Variants in SGPP1 observed in about 807,000 individuals in gnomAD.
SGPP1 encodes the protein hSPP1.
Under a neutral mutation model 33.0 loss-of-function variants are expected in SGPP1, and 21 were observed. The ratio of observed to expected loss-of-function variants is 0.64; its 90% CI spans 0.45 to 0.92. The LOEUF is 0.92. SGPP1 is among the 40% of genes least tolerant of loss of function. SGPP1 has a pLI of 0.00. For missense variants in SGPP1, 543 were observed against 589.4 expected (o/e 0.92, Z 0.81); for synonymous variants, 239 against 241.2 (o/e 0.99, Z 0.08).
intron 1 of SGPP1, among the ~76,000 whole-genome samples, chr14:63,726,278 T>C (rs775904178): frequency 6.6e-6 from 1 of 152,182 alleles, no homozygotes; most frequent in Non-Finnish European, 1.5e-5. Flanking sequence ...TTTGTTTCCT[T>C]AGAATCTCCA....
chr14:63,722,972 A>C (rs774021373), intron 1 of SGPP1, among the ~76,000 whole-genome samples: 567 of 134,180 alleles, frequency 4.2e-3, no homozygotes, highest in Middle Eastern at 0.015. Context: ...ACCCTGTCTC[A>C]AAAAAAAAAA....
At chr14:63,702,785 C>T (rs1885326825) in intron 1 of SGPP1, among the ~76,000 whole-genome samples, 1 of 152,044 alleles carries the variant, frequency 6.6e-6, no homozygotes. Context: ...CATATTTACT[C>T]CCCATTGAAT....
At chr14:63,703,856 C>T (rs1477133381) in intron 1 of SGPP1, among the ~76,000 whole-genome samples, 1 of 110,576 alleles carries the variant, frequency 9.0e-6, no homozygotes, top group Non-Finnish European at 1.7e-5. Flanking sequence ...CTCGCTTTAT[C>T]ACCCAGGCTG....
chr14:63,697,414 C>T lies in SGPP1; in HGVS notation c.774+1155G>A, dbSNP rs146444703. On this transcript the variant is annotated intron_variant, in intron 2 of 2. Coordinates refer to ENST00000247225, the MANE Select transcript of SGPP1 (RefSeq NM_030791.4). Reference sequence around the variant, plus strand: ...TAACATGTTAAGGACAAGAAAAAAACTGACATGACCCATTAGAAACTAGAA... The same window carrying T: ...TAACATGTTAAGGACAAGAAAAAAATTGACATGACCCATTAGAAACTAGAA... Among the ~76,000 whole-genome samples, 896 of 152,172 alleles carry T rather than the reference C, an allele frequency of 5.9e-3. 6 individuals are homozygous for T. The highest frequency in any genetic ancestry group is 0.02 in the African/African-American group (851 of 41,528).
chr14:63,727,265 C>T lies in SGPP1; in HGVS notation c.680G>A (p.Trp227Ter), dbSNP rs1277284418. Residue 227 changes from tryptophan (W) to a stop codon, truncating the protein, a stop_gained, in exon 1 of 3, where the codon TGG becomes TAG. Coordinates refer to ENST00000247225, the MANE Select transcript of SGPP1 (RefSeq NM_030791.4). LOFTEE classifies it high-confidence loss of function. ...ISMVLLTYGRWQYPLIYGLIL... is the reference protein window; with the variant it reads ...ISMVLLTYGR Reference sequence around the variant, plus strand: ...CAGGACGAGAAGGAACCCTACCTGCCAGCGGCCATAGGTGAGGAGGACCAT... The same window carrying T: ...CAGGACGAGAAGGAACCCTACCTGCTAGCGGCCATAGGTGAGGAGGACCAT... The T allele has an allele frequency of 6.2e-7, 1 of 1,607,458 alleles. No individual in the cohort carries two copies. Among genetic ancestry groups the T allele is most frequent in the Non-Finnish European group, 8.5e-7 (1 of 1,175,698 alleles).
At position 63,708,421 on chromosome 14, in the gene SGPP1, A is replaced by ATT. The variant is rs1259120518; in HGVS notation, c.685-9765_685-9764dup. 6.5e-4 allele frequency among the ~76,000 whole-genome samples: 88 copies of ATT among 135,124 alleles called. 1 individual carries two copies. Among genetic ancestry groups the ATT allele is most frequent in the African/African-American group, 2.3e-3 (84 of 36,922 alleles). The allele number at this position is 135,124 out of a possible 152,430, so 88.6% of individuals were successfully genotyped here. A position where few individuals can be genotyped will look rare whatever the true frequency, so the allele number is the denominator to read the frequency against. On this transcript the variant is annotated intron_variant, in intron 1 of 2. Transcript: ENST00000247225. Reference sequence around the variant, plus strand: ...CAGGTGCCCACCACCATGCCCAGCTATTTTTTTTTTTTTTGTATTTTTAGT... The same window carrying ATT: ...CAGGTGCCCACCACCATGCCCAGCTATTTTTTTTTTTTTTTTGTATTTTTAGT...
chr14:63,716,653 T>C (rs905780994), intron 1 of SGPP1, among the ~76,000 whole-genome samples: 2 of 151,680 alleles, frequency 1.3e-5, no homozygotes, highest in East Asian at 1.9e-4. Context: ...GATCTCACAA[T>C]TGCACCCCAG....
chr14:63,721,471 A>T (rs1885770199), intron 1 of SGPP1, among the ~76,000 whole-genome samples: 1 of 152,184 alleles, frequency 6.6e-6, no homozygotes, highest in African/African-American at 2.4e-5. Flanking sequence ...AATTAGTAAT[A>T]AGGACTTATA....
At chr14:63,727,010 T>G (rs8023063) in intron 1 of SGPP1, among the ~76,000 whole-genome samples, 2,771 of 152,268 alleles carry the variant, frequency 0.018, 83 homozygotes, top group African/African-American at 0.063. Context: ...CTAGGAAAAG[T>G]GTGTCCTTTG....
At chr14:63,718,430 T>TAGTA (rs891168570) in intron 1 of SGPP1, among the ~76,000 whole-genome samples, 11 of 151,834 alleles carry the variant, frequency 7.2e-5, no homozygotes, top group African/African-American at 2.7e-4. Flanking sequence ...GTAGAAAAAA[T>TAGTA]GTGAAAAGAG....
chr14:63,688,262 A>G (rs11846081), intron 2 of SGPP1, among the ~76,000 whole-genome samples: 13,108 of 147,656 alleles, frequency 0.089, 1,232 homozygotes, highest in African/African-American at 0.24. Context: ...GTTGCAGTGA[A>G]CCGAGATGGC....
chr14:63,712,383 C>T (rs1322419523), intron 1 of SGPP1, among the ~76,000 whole-genome samples: 1 of 152,056 alleles, frequency 6.6e-6, no homozygotes, highest in Non-Finnish European at 1.5e-5. Flanking sequence ...CTGAAAACTT[C>T]CCCCACTTGG....
Position 63,701,121 on chromosome 14 carries a change from G to C in SGPP1, c.685-2463C>G, listed in dbSNP as rs567248203. Among the ~76,000 whole-genome samples the C allele has an allele frequency of 4.6e-5, 7 of 152,036 alleles. No individual in the cohort carries two copies. The South Asian group carries it at 1.5e-3, about 32-fold the overall frequency. On this transcript the variant is annotated intron_variant, in intron 1 of 2. Coordinates refer to ENST00000247225, the MANE Select transcript of SGPP1 (RefSeq NM_030791.4). ...TCAGCCTCCAGAGTAGCTGGGACTA[G>C]AGGTGTGCCACCACATCCAGCTGAT... is the stretch of plus-strand genomic sequence containing the variant.
intron 2 of SGPP1, among the ~76,000 whole-genome samples, chr14:63,695,361 T>C (rs1470157121): frequency 6.6e-6 from 1 of 152,220 alleles, no homozygotes; most frequent in Non-Finnish European, 1.5e-5. Flanking sequence ...CAGCCTTTTG[T>C]TTTTATTTTA....
At chr14:63,714,554 G>A (rs1448496112) in intron 1 of SGPP1, among the ~76,000 whole-genome samples, 4 of 152,020 alleles carry the variant, frequency 2.6e-5, no homozygotes, top group Admixed American at 6.6e-5. Flanking sequence ...CCAAGTATCT[G>A]GGACTACAAG....
chr14:63,726,339 A>G (rs921055711), intron 1 of SGPP1, among the ~76,000 whole-genome samples: 15 of 152,212 alleles, frequency 9.9e-5, no homozygotes, highest in Admixed American at 2.0e-4. Flanking sequence ...AGGATTAACA[A>G]ATCTTACAGT....
intron 2 of SGPP1, among the ~76,000 whole-genome samples, chr14:63,690,433 A>AT (rs1279362262): frequency 6.6e-6 from 1 of 152,238 alleles, no homozygotes; most frequent in Non-Finnish European, 1.5e-5. Flanking sequence ...TAAAAGAGAT[A>AT]TAACTCCAAA....
intron 1 of SGPP1, among the ~76,000 whole-genome samples, chr14:63,713,513 A>C (rs890196840): frequency 3.9e-5 from 6 of 152,186 alleles, no homozygotes; most frequent in African/African-American, 1.2e-4. Flanking sequence ...TGTCAGTCAT[A>C]ATCCCAAAAG....
intron 2 of SGPP1, among the ~76,000 whole-genome samples, chr14:63,698,222 A>G (rs1461150871): frequency 6.6e-6 from 1 of 152,224 alleles, no homozygotes; most frequent in Non-Finnish European, 1.5e-5. Flanking sequence ...AATACTTAGG[A>G]GCTCTCCTTG....
Sources: gnomAD v4.1 joint callset for allele counts (sites outside exome capture counted in the v4.1 genomes callset) on GRCh38, gnomAD v4.1.1 for gene constraint, MANE v1.5 for transcripts, NCBI Gene and HGNC (gene_info 2026-07-23, HGNC 2026-07-21) for gene names.